LINGO2: variants seen among roughly 807,000 people sequenced by gnomAD.
LINGO2 encodes leucine rich repeat and Ig domain containing 2.
In LINGO2, 14 loss-of-function variants were observed where a neutral mutation model predicts 30.6. The ratio of observed to expected loss-of-function variants is 0.46; its 90% confidence interval spans 0.30 to 0.72. The LOEUF is 0.72. Ranked by LOEUF, LINGO2 falls within the 30% of genes least tolerant of loss-of-function variation. The pLI is 0.07. For missense variants in LINGO2, 729 were observed against 751.7 expected, an observed-to-expected ratio of 0.97 and a Z score of 0.35; for synonymous variants, 317 against 288.5, an observed-to-expected ratio of 1.10 and a Z score of -1.00.
chr9:28,296,320 T>G (rs1823919164), intron 3 of LINGO2, among the ~76,000 whole-genome samples: 1 of 152,124 alleles, frequency 6.6e-6, no homozygotes, highest in Non-Finnish European at 1.5e-5. Context: ...AACTATTAGA[T>G]TTTTTATAAC....
chr9:28,030,702 A>G (rs1320645972), intron 4 of LINGO2, among the ~76,000 whole-genome samples: 1 of 152,240 alleles, frequency 6.6e-6, no homozygotes, highest in African/African-American at 2.4e-5. Flanking sequence ...TCAGAAGCTA[A>G]TTAATCTTAT....
chr9:29,042,844 A>AT, the LINGO2 span, among the ~76,000 whole-genome samples: 1 of 152,036 alleles, frequency 6.6e-6, no homozygotes, highest in East Asian at 1.9e-4. Flanking sequence ...TACATAACAT[A>AT]TGTTTTTATT....
At chr9:28,073,760 G>A (rs1825547439) in intron 4 of LINGO2, among the ~76,000 whole-genome samples, 1 of 152,150 alleles carries the variant, frequency 6.6e-6, no homozygotes, top group African/African-American at 2.4e-5. Flanking sequence ...AGGAGCAGTG[G>A]CTCATGCTTA....
chr9:28,873,077 G>A, the LINGO2 span, among the ~76,000 whole-genome samples: 2 of 151,954 alleles, frequency 1.3e-5, no homozygotes, highest in African/African-American at 4.8e-5. Flanking sequence ...TTCTCTACTA[G>A]TAAGAAAACT....
rs1235557792 is a variant in LINGO2 at position 28,380,489 on chromosome 9, G to A, written c.-278-7621C>T. Among the ~76,000 whole-genome samples, 4 of 151,790 alleles carry A rather than the reference G, an allele frequency of 2.6e-5. No homozygotes were observed. In the East Asian group the frequency reaches 7.7e-4, roughly 29 times the overall value. On this transcript the variant is annotated intron_variant, in intron 2 of 5. Transcript: ENST00000379992. ...TTAATGGAAATAGATGGAGAAGTAG[G>A]AGGTGGCAGTCTTCAAGGTACAGAA... is the stretch of plus-strand genomic sequence containing the variant.
At chr9:28,852,174 GA>G in the LINGO2 span, among the ~76,000 whole-genome samples, 1 of 151,932 alleles carries the variant, frequency 6.6e-6, no homozygotes, top group Non-Finnish European at 1.5e-5. Flanking sequence ...AGAGGGTATT[GA>G]AAATGAACTG....
chr9:28,200,145 T>C (rs890153641), intron 4 of LINGO2, among the ~76,000 whole-genome samples: 11 of 152,280 alleles, frequency 7.2e-5, no homozygotes, highest in South Asian at 4.1e-4. Flanking sequence ...AACAGAGTAT[T>C]GTGTGATTTA....
chr9:29,201,887 C>T, the LINGO2 span, among the ~76,000 whole-genome samples: 1 of 151,880 alleles, frequency 6.6e-6, no homozygotes, highest in Non-Finnish European at 1.5e-5. Flanking sequence ...CGTCATGAGA[C>T]GAAGAGATTG....
chr9:28,453,918 T>C (rs1028107666), intron 2 of LINGO2, among the ~76,000 whole-genome samples: 1 of 152,034 alleles, frequency 6.6e-6, no homozygotes, highest in Non-Finnish European at 1.5e-5. Context: ...TGCATATGAA[T>C]ACTGACCCAT....
chr9:28,918,409 A>G, the LINGO2 span, among the ~76,000 whole-genome samples: 2 of 152,202 alleles, frequency 1.3e-5, no homozygotes, highest in South Asian at 4.1e-4. Context: ...GAGCCAAACC[A>G]TATCACACAG....
intron 4 of LINGO2, among the ~76,000 whole-genome samples, chr9:28,289,088 T>C (rs1380035330): frequency 6.6e-6 from 1 of 152,218 alleles, no homozygotes; most frequent in Non-Finnish European, 1.5e-5. Flanking sequence ...CAAATTTTTA[T>C]AGTTTTGTTA....
At chr9:28,206,268 A>T (rs1820408372) in intron 4 of LINGO2, among the ~76,000 whole-genome samples, 1 of 152,070 alleles carries the variant, frequency 6.6e-6, no homozygotes, top group African/African-American at 2.4e-5. Flanking sequence ...GAAGCACACA[A>T]AAAGAAATTA....
At chr9:28,506,425 C>T (rs113182202) in intron 1 of LINGO2, among the ~76,000 whole-genome samples, 1 of 28,908 alleles carries the variant, frequency 3.5e-5, no homozygotes, top group African/African-American at 1.1e-4. Flanking sequence ...TATATATACA[C>T]ACACACACAC....
At chr9:28,026,578 G>A (rs1823385710) in intron 4 of LINGO2, among the ~76,000 whole-genome samples, 1 of 152,192 alleles carries the variant, frequency 6.6e-6, no homozygotes. Context: ...GGGACCCCAA[G>A]TTATAAAGCT....
chr9:29,014,642 A>T, the LINGO2 span, among the ~76,000 whole-genome samples: 2 of 152,184 alleles, frequency 1.3e-5, no homozygotes, highest in Admixed American at 1.3e-4. Flanking sequence ...TCAAATGCTG[A>T]TAGTAAAATG....
At position 28,147,389 on chromosome 9, in the gene LINGO2, C is replaced by T. The variant is rs977134149; in HGVS notation, c.-86-134984G>A. 6.6e-6 allele frequency among the ~76,000 whole-genome samples: 1 copy of T among 152,194 alleles called. No individual in the cohort carries two copies. The highest frequency in any genetic ancestry group is 1.5e-5 in the Non-Finnish European group (1 of 68,034). Reference sequence around the variant, plus strand: ...TGCCAGGGAGGCATGTGGTAAGAGGCGCATCCAGTCAGGTCAGGGCACCGC... The same window carrying T: ...TGCCAGGGAGGCATGTGGTAAGAGGTGCATCCAGTCAGGTCAGGGCACCGC... On this transcript the variant is annotated intron_variant, in intron 4 of 5. Coordinates refer to ENST00000379992, the Ensembl canonical transcript of LINGO2. The surrounding 1 kb of genome is among the most constrained non-coding windows in gnomAD (Gnocchi z 4.7).
chr9:28,650,083 G>A (rs933071619), intron 1 of LINGO2, among the ~76,000 whole-genome samples: 1 of 151,646 alleles, frequency 6.6e-6, no homozygotes. Flanking sequence ...TGTACTAAAG[G>A]TCTGATGAAG....
chr9:28,813,049 A>T, the LINGO2 span, among the ~76,000 whole-genome samples: 3 of 144,834 alleles, frequency 2.1e-5, no homozygotes, highest in East Asian at 6.4e-4. Context: ...CAGGCTTTGG[A>T]ATTCTATAGC....
At chr9:29,213,403 C>A in the LINGO2 span, among the ~76,000 whole-genome samples, 4 of 152,182 alleles carry the variant, frequency 2.6e-5, no homozygotes, top group African/African-American at 9.6e-5. Flanking sequence ...TTCGGAACAC[C>A]GTCTCCCTGG....
Sources: allele counts gnomAD v4.1 joint callset (sites outside exome capture counted in the v4.1 genomes callset), GRCh38; gene constraint gnomAD v4.1.1; non-coding constraint Gnocchi (gnomAD v3.1); transcripts MANE v1.5; gene names NCBI Gene and HGNC (gene_info 2026-07-23, HGNC 2026-07-21).